Variants in RTL10 observed in about 807,000 individuals in gnomAD.
RTL10 encodes the protein protein Bop.
For missense variants in RTL10, 477 were observed against 470.7 expected, an observed-to-expected ratio of 1.01 and a Z score of -0.12; for synonymous variants, 199 against 188.4, an observed-to-expected ratio of 1.06 and a Z score of -0.46.
intron 2 of RTL10, among the ~76,000 whole-genome samples, chr22:19,853,592 T>A (rs1938161919): frequency 6.6e-6 from 1 of 151,900 alleles, no homozygotes; most frequent in Non-Finnish European, 1.5e-5. Context: ...CTGCTGGCCA[T>A]CCCCCCTCAG....
rs1938093422 is a variant in RTL10, at chr22:19,851,387, G to A, written c.875C>T (p.Pro292Leu). 2 of 1,613,966 alleles carry A rather than the reference G, an allele frequency of 1.2e-6. No individual in the cohort carries two copies. The highest frequency in any genetic ancestry group is 1.3e-5 in the African/African-American group (1 of 74,872). ...PGPVEPASSQ[P>L]EEAAPTPVPR... ...GACAGGTGTGGGGGCTGCCTCCTCT[G>A]GCTGGGAAGAGGCTGGTTCCACAGG... Residue 292 changes from proline to leucine, a missense_variant, in exon 3 of 3, where the codon CCA becomes CTA. By Grantham distance (98) the Pro-to-Leu change is moderately conservative. Transcript: ENST00000328554.
Position 19,846,333 on chromosome 22 carries a change from C to T in RTL10, c.*4834G>A. ...TACAACCTGGGAATACAGGATAATG[C>T]CTTTGTACCCCCCAGGTAGGGAAAG... On this transcript the variant is annotated 3_prime_UTR_variant, in exon 3 of 3. Transcript: ENST00000328554. 1 of 746,866 alleles carries T rather than the reference C, an allele frequency of 1.3e-6. No individual in the cohort carries two copies. Among genetic ancestry groups the T allele is most frequent in the Non-Finnish European group, 1.6e-6 (1 of 611,524 alleles). The allele number at this position is 746,866 out of a possible 1,614,324, so 46.3% of individuals were successfully genotyped here.
Position 19,847,744 on chromosome 22 carries a change from A to G in RTL10, c.*3423T>C, listed in dbSNP as rs945689599. ...TCCCACCAACAGTATGAGAAGGTCC[A>G]CTTCTCCATACCTCCACAACTCTGG... is the stretch of plus-strand genomic sequence containing the variant. On this transcript the variant is annotated 3_prime_UTR_variant, in exon 3 of 3. Transcript: ENST00000328554. 62 of 972,762 alleles carry G rather than the reference A, an allele frequency of 6.4e-5. No homozygotes were observed. Among genetic ancestry groups the G allele is most frequent in the Non-Finnish European group, 7.3e-5 (60 of 823,092 alleles). 60.3% of individuals were successfully genotyped at this position (972,762 alleles called of 1,614,324 possible).
At position 19,850,744 on chromosome 22, in the gene RTL10, C is replaced by T. The variant is rs187131418; in HGVS notation, c.*423G>A. The T allele has an allele frequency of 7.8e-4, 965 of 1,241,144 alleles. No individual in the cohort carries two copies. The highest frequency in any genetic ancestry group is 2.8e-3 in the Admixed American group (70 of 25,130). The allele number at this position is 1,241,144 out of a possible 1,614,324, so 76.9% of individuals were successfully genotyped here. On this transcript the variant is annotated 3_prime_UTR_variant, in exon 3 of 3. Coordinates refer to ENST00000328554, the MANE Select transcript of RTL10 (RefSeq NM_024627.6). The stretch of plus-strand genomic sequence containing the variant: ...CAGACACAGAAACCCCATACAGGAA[C>T]GAGGTCCCAACAGGGCAGACGTGGC...
intron 2 of RTL10, among the ~76,000 whole-genome samples, chr22:19,854,220 C>A (rs1277037697): frequency 6.6e-6 from 1 of 152,248 alleles, no homozygotes; most frequent in Non-Finnish European, 1.5e-5. Context: ...CCTAAAGGGG[C>A]AGGTACCACG....
Position 19,849,845 on chromosome 22 carries a change from C to T in RTL10, c.*1322G>A. ...CTTCTTGTCCAAGCACCAGAGTGGG[C>T]ACACACTGCACACACTGGGCGGCTG... On this transcript the variant is annotated 3_prime_UTR_variant, in exon 3 of 3. Transcript: ENST00000328554. The T allele has an allele frequency of 1.0e-6, 1 of 985,426 alleles. No homozygotes were observed. The highest frequency in any genetic ancestry group is 1.7e-5 in the African/African-American group (1 of 57,340). The allele number at this position is 985,426 out of a possible 1,614,324, so 61.0% of individuals were successfully genotyped here. A position where few individuals can be genotyped will look rare whatever the true frequency, so the allele number is the denominator to read the frequency against.
Position 19,851,590 on chromosome 22 carries a change from T to C in RTL10, c.672A>G (p.Ala224=), listed in dbSNP as rs202242238. The C allele has an allele frequency of 1.2e-6, 2 of 1,600,788 alleles. No homozygotes were observed. Among genetic ancestry groups the C allele is most frequent in the East Asian group, 2.2e-5 (1 of 44,588 alleles). Reference sequence around the variant, plus strand: ...ACCTGGGGGCAGTACCCATGTCGAGTGCCAGGCCCTCTAAGAACCTAGCTA... The same window carrying C: ...ACCTGGGGGCAGTACCCATGTCGAGCGCCAGGCCCTCTAAGAACCTAGCTA... The part of the protein sequence containing the change: ...QYLARFLEGL[A]LDMGTAPRSL... The change falls in exon 3 of 3, where the codon GCA becomes GCG. Residue 224 remains alanine (A), a synonymous_variant. Coordinates refer to ENST00000328554, the MANE Select transcript of RTL10 (RefSeq NM_024627.6).
chr22:19,848,736 C>T lies in RTL10; in HGVS notation c.*2431G>A, dbSNP rs1166724264. ...ACACGGCAGACCATAACTCACACAC[C>T]CCCAGGAGCTGCCTGGGTCCCAAGG... On this transcript the variant is annotated 3_prime_UTR_variant, in exon 3 of 3. Coordinates refer to ENST00000328554, the MANE Select transcript of RTL10 (RefSeq NM_024627.6). 2.0e-6 allele frequency: 2 copies of T among 985,338 alleles called. No homozygotes were observed. The highest frequency in any genetic ancestry group is 2.4e-6 in the Non-Finnish European group (2 of 830,002). The allele number at this position is 985,338 out of a possible 1,614,324, so 61.0% of individuals were successfully genotyped here. A position where few individuals can be genotyped will look rare whatever the true frequency, so the allele number is the denominator to read the frequency against.
Position 19,850,405 on chromosome 22 carries a change from C to T in RTL10, c.*762G>A. ...GCAATGCATGCGAGTGCGGAGTGAG[C>T]AGGGGATGGCAGCACAGCAGCAGGG... is the stretch of plus-strand genomic sequence containing the variant. On this transcript the variant is annotated 3_prime_UTR_variant, in exon 3 of 3. Transcript: ENST00000328554. 4 of 990,544 alleles carry T rather than the reference C, an allele frequency of 4.0e-6. No individual in the cohort carries two copies. The highest frequency in any genetic ancestry group is 4.8e-6 in the Non-Finnish European group (4 of 833,568). 61.4% of individuals were successfully genotyped at this position (990,544 alleles called of 1,614,324 possible).
rs1938130856 is a variant in RTL10, at chr22:19,852,443, A to G, written c.-182T>C. The stretch of plus-strand genomic sequence containing the variant: ...CAGCTGCAGCCTCAGGAGAGCTGAG[A>G]AGAGCTGAGAGACTGTCAGTCGCAG... On this transcript the variant is annotated 5_prime_UTR_variant, in exon 3 of 3. Transcript: ENST00000328554. The G allele has an allele frequency of 3.1e-6, 2 of 635,460 alleles. No individual in the cohort carries two copies. Among genetic ancestry groups the G allele is most frequent in the South Asian group, 4.3e-5 (2 of 46,182 alleles). The allele number at this position is 635,460 out of a possible 1,614,324, so 39.4% of individuals were successfully genotyped here.
chr22:19,848,968 G>C lies in RTL10; in HGVS notation c.*2199C>G, dbSNP rs964080424. ...GTTCTACTGCCAGACCCACAGGTGAGCCAGGCCACAGTGCACTGGAGGTAG... is the reference window on the plus strand; with the variant it reads ...GTTCTACTGCCAGACCCACAGGTGACCCAGGCCACAGTGCACTGGAGGTAG... On this transcript the variant is annotated 3_prime_UTR_variant, in exon 3 of 3. Transcript: ENST00000328554. 2 of 985,484 alleles carry C rather than the reference G, an allele frequency of 2.0e-6. No homozygotes were observed. Among genetic ancestry groups the C allele is most frequent in the African/African-American group, 3.5e-5 (2 of 57,238 alleles). 61.0% of individuals were successfully genotyped at this position (985,484 alleles called of 1,614,324 possible).
Position 19,847,823 on chromosome 22 carries a change from A to AAT in RTL10, c.*3343_*3344insAT. On this transcript the variant is annotated 3_prime_UTR_variant, in exon 3 of 3. Coordinates refer to ENST00000328554, the MANE Select transcript of RTL10 (RefSeq NM_024627.6). ...CATAGGCAAAAAAAAAAAAAAAAAA[A>AAT]AATTCACCCATATTTTCCTCTAGTA... 1.1e-6 allele frequency: 1 copy of AAT among 929,082 alleles called. No homozygotes were observed. Among genetic ancestry groups the AAT allele is most frequent in the Non-Finnish European group, 1.3e-6 (1 of 780,918 alleles). 57.6% of individuals were successfully genotyped at this position (929,082 alleles called of 1,614,324 possible). A position where few individuals can be genotyped will look rare whatever the true frequency, so the allele number is the denominator to read the frequency against.
rs922736779 is a variant in RTL10, at chr22:19,847,918, T to C, written c.*3249A>G. The C allele has an allele frequency of 5.1e-6, 5 of 984,250 alleles. No homozygotes were observed. Among genetic ancestry groups the C allele is most frequent in the African/African-American group, 3.5e-5 (2 of 57,090 alleles). 61.0% of individuals were successfully genotyped at this position (984,250 alleles called of 1,614,324 possible). On this transcript the variant is annotated 3_prime_UTR_variant, in exon 3 of 3. Transcript: ENST00000328554. Reference sequence around the variant, plus strand: ...TGGCATAAAGAGTGAGGCACATACATGGCTTTACTATTTTCCAGAGGGCCA... The same window carrying C: ...TGGCATAAAGAGTGAGGCACATACACGGCTTTACTATTTTCCAGAGGGCCA...
chr22:19,847,642 C>G lies in RTL10; in HGVS notation c.*3525G>C, dbSNP rs1937991366. ...GAACCATGACCACCCCTGGCAAGAGCCTTCATGCACCTAGCAAGTAGTCAC... is the reference window on the plus strand; with the variant it reads ...GAACCATGACCACCCCTGGCAAGAGGCTTCATGCACCTAGCAAGTAGTCAC... On this transcript the variant is annotated 3_prime_UTR_variant, in exon 3 of 3. Transcript: ENST00000328554. The G allele has an allele frequency of 1.0e-6, 1 of 952,512 alleles. No homozygotes were observed. The highest frequency in any genetic ancestry group is 6.2e-5 in the Admixed American group (1 of 16,028). The allele number at this position is 952,512 out of a possible 1,614,324, so 59.0% of individuals were successfully genotyped here. A position where few individuals can be genotyped will look rare whatever the true frequency, so the allele number is the denominator to read the frequency against.
chr22:19,853,720 G>GT (rs1601361128), intron 2 of RTL10, among the ~76,000 whole-genome samples: 1 of 143,560 alleles, frequency 7.0e-6, no homozygotes, highest in African/African-American at 2.7e-5. Context: ...CCCCCCTCTG[G>GT]GGGGGGGGTC....
Position 19,852,311 on chromosome 22 carries a change from G to A in RTL10, c.-50C>T. On this transcript the variant is annotated 5_prime_UTR_variant, in exon 3 of 3. Transcript: ENST00000328554. ...GGAGAGCCAGCACTGGTGGGTGGTGGGGGTGTGGACAGATGTGGCTTGCAC... is the reference window on the plus strand; with the variant it reads ...GGAGAGCCAGCACTGGTGGGTGGTGAGGGTGTGGACAGATGTGGCTTGCAC... 1.3e-6 allele frequency: 2 copies of A among 1,559,744 alleles called. No individual in the cohort carries two copies. Among genetic ancestry groups the A allele is most frequent in the Non-Finnish European group, 1.7e-6 (2 of 1,149,558 alleles).
rs1937997972 is a variant in RTL10, at chr22:19,847,804, C to CAAAAAAAAAAAAAAAAAAGAAA, written c.*3362_*3363insTTTCTTTTTTTTTTTTTTTTTT. 1.9e-6 allele frequency: 1 copy of CAAAAAAAAAAAAAAAAAAGAAA among 533,108 alleles called. No individual in the cohort carries two copies. The highest frequency in any genetic ancestry group is 2.2e-6 in the Non-Finnish European group (1 of 447,428). The allele number at this position is 533,108 out of a possible 1,614,324, so 33.0% of individuals were successfully genotyped here. ...ACTTTTAAAATCCTGGAATCATAGGCAAAAAAAAAAAAAAAAAAAAATTCA... is the reference window on the plus strand; with the variant it reads ...ACTTTTAAAATCCTGGAATCATAGGCAAAAAAAAAAAAAAAAAAGAAAAAAAAAAAAAAAAAAAAAAAATTCA... On this transcript the variant is annotated 3_prime_UTR_variant, in exon 3 of 3. Coordinates refer to ENST00000328554, the MANE Select transcript of RTL10 (RefSeq NM_024627.6).
At position 19,848,960 on chromosome 22, in the gene RTL10, A is replaced by T; in HGVS notation, c.*2207T>A. On this transcript the variant is annotated 3_prime_UTR_variant, in exon 3 of 3. Coordinates refer to ENST00000328554, the MANE Select transcript of RTL10 (RefSeq NM_024627.6). Reference sequence around the variant, plus strand: ...AACTCTGGGTTCTACTGCCAGACCCACAGGTGAGCCAGGCCACAGTGCACT... The same window carrying T: ...AACTCTGGGTTCTACTGCCAGACCCTCAGGTGAGCCAGGCCACAGTGCACT... 1 of 985,580 alleles carries T rather than the reference A, an allele frequency of 1.0e-6. No individual in the cohort carries two copies. The highest frequency in any genetic ancestry group is 1.2e-6 in the Non-Finnish European group (1 of 830,050). 61.1% of individuals were successfully genotyped at this position (985,580 alleles called of 1,614,324 possible). A position where few individuals can be genotyped will look rare whatever the true frequency, so the allele number is the denominator to read the frequency against.
Position 19,848,623 on chromosome 22 carries a change from C to A in RTL10, c.*2544G>T. 1.0e-6 allele frequency: 1 copy of A among 985,496 alleles called. No homozygotes were observed. Among genetic ancestry groups the A allele is most frequent in the Non-Finnish European group, 1.2e-6 (1 of 829,978 alleles). 61.0% of individuals were successfully genotyped at this position (985,496 alleles called of 1,614,324 possible). ...CAGAGCCCAACCACAATAAACAGGA[C>A]GCGTTTTAATTAAAAACCAGGTCAC... On this transcript the variant is annotated 3_prime_UTR_variant, in exon 3 of 3. Transcript: ENST00000328554.
Sources: gnomAD v4.1 joint callset for allele counts (sites outside exome capture counted in the v4.1 genomes callset) on GRCh38, gnomAD v4.1.1 for gene constraint, MANE v1.5 for transcripts, NCBI Gene and HGNC (gene_info 2026-07-23, HGNC 2026-07-21) for gene names.